Variants in ANK2 observed in about 807,000 individuals in gnomAD.
ANK2 encodes ankyrin 2.
ANK2 carries 83 observed loss-of-function variants against 360.5 expected under a neutral mutation model. That is an observed-to-expected ratio of 0.23 (90% CI 0.19 to 0.28). The LOEUF is 0.28. ANK2 is among the 10% of genes least tolerant of loss of function. The pLI, the probability that ANK2 is intolerant of heterozygous loss-of-function variation, is 1.00. For synonymous variants in ANK2, 1,740 were observed against 1,759.5 expected, an observed-to-expected ratio of 0.99 and a Z score of 0.28; for missense variants, 4,201 against 4,795.7, an observed-to-expected ratio of 0.88 and a Z score of 3.66.
chr4:112,789,397 G>A, the ANK2 span, among the ~76,000 whole-genome samples: 94 of 152,262 alleles, frequency 6.2e-4, 3 homozygotes, highest in East Asian at 0.01. Flanking sequence ...ATTCTTAGAC[G>A]AAGAGGGCAC....
At chr4:113,379,215 A>G (rs548371118) in intron 45 of ANK2, among the ~76,000 whole-genome samples, 4 of 152,326 alleles carry the variant, frequency 2.6e-5, no homozygotes, top group South Asian at 2.1e-4. Flanking sequence ...CTTTTATTCA[A>G]TTATTCAGAT....
chr4:112,779,124 C>T, the ANK2 span, among the ~76,000 whole-genome samples: 2 of 152,040 alleles, frequency 1.3e-5, no homozygotes, highest in East Asian at 1.9e-4. Context: ...CTGGGAGTGC[C>T]GAGCCACCTC....
chr4:112,870,419 G>A (rs1427157339), intron 1 of ANK2, among the ~76,000 whole-genome samples: 1 of 152,152 alleles, frequency 6.6e-6, no homozygotes, highest in Non-Finnish European at 1.5e-5. Flanking sequence ...TTGTTTAAGA[G>A]TTTTATAGTG....
At chr4:113,298,796 T>C (rs2073341327) in intron 22 of ANK2, among the ~76,000 whole-genome samples, 1 of 152,214 alleles carries the variant, frequency 6.6e-6, no homozygotes, top group Non-Finnish European at 1.5e-5. Flanking sequence ...TATAGCCTTG[T>C]TCTCTATGTA....
Position 113,232,143 on chromosome 4 carries a change from T to C in ANK2, c.385-18T>C. On this transcript the variant is annotated intron_variant, in intron 4 of 45. Coordinates refer to ENST00000357077, the MANE Select transcript of ANK2 (RefSeq NM_001148.6). ...ATACAAATGATTGAAGGTGTCTTTT[T>C]TTATTGCTTGTCCTCAGAATGGCTT... 6.5e-7 allele frequency: 1 copy of C among 1,530,940 alleles called. No individual in the cohort carries two copies. Among genetic ancestry groups the C allele is most frequent in the Non-Finnish European group, 9.1e-7 (1 of 1,104,692 alleles). The allele number at this position is 1,530,940 out of a possible 1,614,324, so 94.8% of individuals were successfully genotyped here.
intron 2 of ANK2, among the ~76,000 whole-genome samples, chr4:112,949,308 C>A (rs1042976189): frequency 3.9e-5 from 6 of 152,296 alleles, no homozygotes; most frequent in Admixed American, 6.5e-5. Flanking sequence ...ATAAAGCATT[C>A]TCTTCCTAAA....
chr4:113,161,732 G>A (rs1182956312), intron 1 of ANK2, among the ~76,000 whole-genome samples: 2 of 147,898 alleles, frequency 1.4e-5, no homozygotes, highest in East Asian at 3.9e-4. Context: ...GTGTGTGTGT[G>A]TGCATGTGCA....
At chr4:113,076,803 G>GAAA (rs11398989) in intron 1 of ANK2, among the ~76,000 whole-genome samples, 2 of 143,274 alleles carry the variant, frequency 1.4e-5, no homozygotes, top group East Asian at 2.1e-4. Context: ...CTCAAAAAAA[G>GAAA]AAAAAAAAAA....
At chr4:113,292,825 C>G (rs554813535) in intron 21 of ANK2, among the ~76,000 whole-genome samples, 5 of 152,232 alleles carry the variant, frequency 3.3e-5, no homozygotes, top group South Asian at 4.1e-4. Context: ...TTGACCCCCC[C>G]TCGCCTTCTT....
intron 2 of ANK2, among the ~76,000 whole-genome samples, chr4:113,004,917 T>C (rs557708978): frequency 5.1e-4 from 78 of 152,312 alleles, no homozygotes; most frequent in African/African-American, 1.9e-3. Context: ...GACTGAAATG[T>C]CATCACGTGG....
At chr4:113,293,112 G>A (rs1587427481) in intron 21 of ANK2, 2 of 414,052 alleles carry the variant, frequency 4.8e-6, no homozygotes, top group East Asian at 1.2e-4. Flanking sequence ...TTGCTAACAG[G>A]TTTTGGAGAC....
At chr4:112,705,739 C>T in the ANK2 span, among the ~76,000 whole-genome samples, 2 of 152,250 alleles carry the variant, frequency 1.3e-5, no homozygotes, top group Non-Finnish European at 2.9e-5. Context: ...GCTCATGGCT[C>T]TCCTGGCGAT....
chr4:113,252,999 C>A (rs2047290873), intron 10 of ANK2, among the ~76,000 whole-genome samples: 1 of 152,174 alleles, frequency 6.6e-6, no homozygotes, highest in African/African-American at 2.4e-5. Flanking sequence ...ATGTAGACTT[C>A]TTTCCTTGTC....
At chr4:112,819,595 A>C (rs1318932714) in intron 1 of ANK2, among the ~76,000 whole-genome samples, 1 of 152,122 alleles carries the variant, frequency 6.6e-6, no homozygotes, top group Non-Finnish European at 1.5e-5. Flanking sequence ...AGCATGCCCC[A>C]CCCAGTGTTG....
chr4:113,343,107 GC>G lies in ANK2; in HGVS notation c.4215del (p.Phe1406SerfsTer26). The G allele has an allele frequency of 6.2e-7, 1 of 1,613,598 alleles. No individual in the cohort carries two copies. The highest frequency in any genetic ancestry group is 8.5e-7 in the Non-Finnish European group (1 of 1,179,714). ...CCAGCATCATATATTCAGTTTTTTT[GC>G]CTTCAAAGAAAATAGACTTCCTCTA... is the stretch of plus-strand genomic sequence containing the variant. Reference protein sequence around the residue: ...SGQHHIFSFFAFKENRLPLFV... With the variant: ...SGQHHIFSFFXFKENRLPLFV... On this transcript the variant is annotated frameshift_variant, in exon 34 of 46. Coordinates refer to ENST00000357077, the MANE Select transcript of ANK2 (RefSeq NM_001148.6). LOFTEE classifies it high-confidence loss of function.
the ANK2 span, among the ~76,000 whole-genome samples, chr4:112,724,408 T>C: frequency 6.6e-6 from 1 of 152,162 alleles, no homozygotes; most frequent in Admixed American, 6.6e-5. Context: ...ATTTGACAAA[T>C]ATATTTTGGA....
chr4:112,883,100 G>A (rs1217840209), intron 1 of ANK2, among the ~76,000 whole-genome samples: 1 of 133,812 alleles, frequency 7.5e-6, no homozygotes, highest in South Asian at 2.4e-4. Context: ...GTGCAGTGGT[G>A]CGATCTTGGC....
chr4:113,011,119 TAGTA>T (rs76352042), intron 2 of ANK2, among the ~76,000 whole-genome samples: 20,780 of 152,018 alleles, frequency 0.14, 1,806 homozygotes, highest in East Asian at 0.39. Context: ...TTAAAGATAA[TAGTA>T]AGGGGATGGT....
chr4:113,118,681 G>C (rs2095088773), intron 1 of ANK2, among the ~76,000 whole-genome samples: 2 of 152,136 alleles, frequency 1.3e-5, no homozygotes, highest in African/African-American at 4.8e-5. Flanking sequence ...TTTCAAGATT[G>C]CATTAATTCT....
Sources: allele counts gnomAD v4.1 joint callset (sites outside exome capture counted in the v4.1 genomes callset), GRCh38; gene constraint gnomAD v4.1.1; transcripts MANE v1.5; gene names NCBI Gene and HGNC (gene_info 2026-07-23, HGNC 2026-07-21).